The following SKOR1 variants were observed in gnomAD, a reference collection of about 807,000 sequenced individuals.
SKOR1 encodes the protein SKI family transcriptional corepressor 1.
SKOR1 carries 38 observed loss-of-function variants against 72.4 expected under a neutral mutation model. The observed-to-expected ratio is 0.52, with a 90% CI of 0.40 to 0.69. The LOEUF (loss-of-function observed/expected upper bound fraction) is 0.69. Among genes scored for constraint, SKOR1 ranks in the 30% least tolerant of loss-of-function variants. SKOR1 has a pLI of 0.00. For missense variants in SKOR1, 1,320 were observed against 1,343.2 expected (o/e 0.98, Z 0.27); for synonymous variants, 642 against 599.4 (o/e 1.07, Z -1.04).
chr15:67,832,516 G>C lies in SKOR1; in HGVS notation c.2663-91G>C. The C allele has an allele frequency of 1.5e-6, 2 of 1,351,012 alleles. No individual in the cohort carries two copies. The highest frequency in any genetic ancestry group is 2.1e-6 in the Non-Finnish European group (2 of 955,014). The allele number at this position is 1,351,012 out of a possible 1,614,324, so 83.7% of individuals were successfully genotyped here. On this transcript the variant is annotated intron_variant, in intron 6 of 8. Transcript: ENST00000380035. The surrounding 1 kb of genome is among the most constrained non-coding windows in gnomAD (Gnocchi z 4.5). ...AGGCGAATGGCTGGGTGGGAGTTGG[G>C]GGTAGGGGTGAAAGGGGGGGCCAGG... is the stretch of plus-strand genomic sequence containing the variant.
Position 67,827,839 on chromosome 15 carries a change from G to A in SKOR1, c.2011G>A (p.Asp671Asn), listed in dbSNP as rs759601492. 6.0e-5 allele frequency: 96 copies of A among 1,596,902 alleles called. No homozygotes were observed. Among genetic ancestry groups the A allele is most frequent in the Non-Finnish European group, 7.1e-5 (83 of 1,172,640 alleles). ...VDVESNRFPD[D>N]EDAQEETEPS... ...CGTGGAATCCAACCGCTTCCCCGAC[G>A]ACGAGGACGCCCAAGAGGAGACCGA... Residue 671 changes from aspartate to asparagine, a missense_variant, in exon 2 of 9, where the codon GAC (aspartate) becomes AAC (asparagine). By Grantham distance (23) the Asp-to-Asn change is conservative. Transcript: ENST00000380035.
intron 3 of SKOR1, among the ~76,000 whole-genome samples, chr15:67,829,487 C>T (rs1597018025): frequency 6.6e-6 from 1 of 152,266 alleles, no homozygotes; most frequent in South Asian, 2.1e-4. Flanking sequence ...CTCCACCACA[C>T]GCACACACAT....
At position 67,825,940 on chromosome 15, in the gene SKOR1, G is replaced by C; in HGVS notation, c.112G>C (p.Gly38Arg). Reference sequence around the variant, plus strand: ...TCTGCTTTCTCTATTTCGCAGGAGCGGCGGCATGGAGGCTCTCACCACTCA... The same window carrying C: ...TCTGCTTTCTCTATTTCGCAGGAGCCGCGGCATGGAGGCTCTCACCACTCA... The part of the protein sequence containing the change: ...FLAARAFLRS[G>R]GMEALTTQLG... Residue 38 changes from glycine to arginine, a missense_variant, in exon 2 of 9, where the codon GGC becomes CGC. Gly to Arg is a moderately radical substitution (Grantham distance 125, BLOSUM62 -2). Transcript: ENST00000380035. The surrounding 1 kb of genome is among the most constrained non-coding windows in gnomAD (Gnocchi z 5.6). The C allele has an allele frequency of 6.6e-7, 1 of 1,514,796 alleles. No individual in the cohort carries two copies. 93.8% of individuals were successfully genotyped at this position (1,514,796 alleles called of 1,614,324 possible).
At position 67,833,153 on chromosome 15, in the gene SKOR1, G is replaced by T; in HGVS notation, c.2738-39G>T. ...TGTGACCCCGGCCTTTCGGAGGGTGGTCTGCGTTTCCTCACTGGCCCCTCC... is the reference window on the plus strand; with the variant it reads ...TGTGACCCCGGCCTTTCGGAGGGTGTTCTGCGTTTCCTCACTGGCCCCTCC... On this transcript the variant is annotated intron_variant, in intron 7 of 8. Coordinates refer to ENST00000380035, the MANE Select transcript of SKOR1 (RefSeq NM_001365915.1). The surrounding 1 kb of genome is among the most constrained non-coding windows in gnomAD (Gnocchi z 6.0). The T allele has an allele frequency of 4.3e-6, 7 of 1,612,242 alleles. No individual in the cohort carries two copies. The highest frequency in any genetic ancestry group is 5.9e-6 in the Non-Finnish European group (7 of 1,178,674).
At chr15:67,828,296 G>A (rs1354979387) in intron 2 of SKOR1, 152 bp downstream of exon 2, 3 of 1,319,832 alleles carry the variant, frequency 2.3e-6, no homozygotes, top group South Asian at 2.0e-5. Flanking sequence ...CCTTGGGCGC[G>A]CTGCGAAACT....
chr15:67,827,147 G>T lies in SKOR1; in HGVS notation c.1319G>T (p.Gly440Val), dbSNP rs759224419. ...GGAGTGGGAG[G>V]PGASHLPPGA... ...GCGGGGACAGGCGGGGGTGCGGGGG[G>T]CCCGGGAGCCAGCCACTTGCCCCCG... Residue 440 changes from glycine (G) to valine (V), a missense_variant, in exon 2 of 9, where the codon GGC (glycine) becomes GTC (valine). Transcript: ENST00000380035. 2.0e-5 allele frequency: 27 copies of T among 1,362,330 alleles called. No homozygotes were observed. The South Asian group carries it at 2.7e-4, about 14-fold the overall frequency. 84.4% of individuals were successfully genotyped at this position (1,362,330 alleles called of 1,614,324 possible).
intron 5 of SKOR1, among the ~76,000 whole-genome samples, chr15:67,831,539 T>C (rs892643612): frequency 1.3e-5 from 2 of 152,120 alleles, no homozygotes; most frequent in Non-Finnish European, 2.9e-5. Context: ...AGGGCCCAGA[T>C]ACCAATGACC....
At position 67,830,895 on chromosome 15, in the gene SKOR1, G is replaced by A. The variant is rs751393440; in HGVS notation, c.2587+6G>A. On this transcript the variant is annotated splice_donor_region_variant and intron_variant, in intron 5 of 8. Transcript: ENST00000380035. ...TATCGAGAACCTGGCCAGAGGTGAG[G>A]ATAAATTTGTGAAAAAGGTGTACGC... The A allele has an allele frequency of 7.2e-5, 117 of 1,613,936 alleles. No individual in the cohort carries two copies. Among genetic ancestry groups the A allele is most frequent in the Non-Finnish European group, 9.4e-5 (111 of 1,179,920 alleles).
At position 67,829,248 on chromosome 15, in the gene SKOR1, G is replaced by A. The variant is rs2090989784; in HGVS notation, c.2386G>A (p.Val796Ile). 6.4e-7 allele frequency: 1 copy of A among 1,565,532 alleles called. No homozygotes were observed. The highest frequency in any genetic ancestry group is 8.6e-7 in the Non-Finnish European group (1 of 1,163,224). Reference sequence around the variant, plus strand: ...GGCGCTGGGGCCCGCGGCCTCCTACGTCTGCACCCCCGAGGCCCACGGTAA... The same window carrying A: ...GGCGCTGGGGCCCGCGGCCTCCTACATCTGCACCCCCGAGGCCCACGGTAA... ...AVALGPAASYVCTPEAHEPDK... is the reference protein window; with the variant it reads ...AVALGPAASYICTPEAHEPDK... Residue 796 changes from valine to isoleucine, a missense_variant, in exon 3 of 9, where the codon GTC becomes ATC. By Grantham distance (29) the Val-to-Ile change is conservative. Transcript: ENST00000380035.
chr15:67,830,100 T>C, intron 3 of SKOR1, 91 bp from the exon 4 acceptor site: 1 of 1,333,594 alleles, frequency 7.5e-7, no homozygotes, highest in Non-Finnish European at 1.1e-6. Flanking sequence ...CGCTTTTAAT[T>C]AGGGCTGGGG....
chr15:67,833,887 ATACCCGC>A lies in SKOR1; in HGVS notation c.*53_*59del. On this transcript the variant is annotated 3_prime_UTR_variant, in exon 9 of 9. Coordinates refer to ENST00000380035, the MANE Select transcript of SKOR1 (RefSeq NM_001365915.1). The surrounding 1 kb of genome is among the most constrained non-coding windows in gnomAD (Gnocchi z 6.0). The stretch of plus-strand genomic sequence containing the variant: ...CCTCAAGCCATGCTGCTCCTTGTAA[ATACCCGC>A]TGCTGCGGTGGCCCTGAGCGAGGAA... 6.4e-7 allele frequency: 1 copy of A among 1,563,514 alleles called. No individual in the cohort carries two copies. The highest frequency in any genetic ancestry group is 2.2e-5 in the East Asian group (1 of 44,664).
At position 67,832,096 on chromosome 15, in the gene SKOR1, C is replaced by T. The variant is rs911297457; in HGVS notation, c.2588-178C>T. ...ATTCTCCTGGGCATCCTACCCACAGCCCAGTTTCTTCACCCAAATCCTTTG... is the reference window on the plus strand; with the variant it reads ...ATTCTCCTGGGCATCCTACCCACAGTCCAGTTTCTTCACCCAAATCCTTTG... On this transcript the variant is annotated intron_variant, in intron 5 of 8. Transcript: ENST00000380035. The surrounding 1 kb of genome is among the most constrained non-coding windows in gnomAD (Gnocchi z 4.5). Among the ~76,000 whole-genome samples, 2 of 152,126 alleles carry T rather than the reference C, an allele frequency of 1.3e-5. No individual in the cohort carries two copies. The highest frequency in any genetic ancestry group is 4.8e-5 in the African/African-American group (2 of 41,394).
In SKOR1 at chr15:67,829,220, G is replaced by C. The variant is rs748987912; in HGVS notation, c.2358G>C (p.Ala786=). The C allele has an allele frequency of 6.3e-7, 1 of 1,575,718 alleles. No homozygotes were observed. The highest frequency in any genetic ancestry group is 8.6e-7 in the Non-Finnish European group (1 of 1,168,322). ...GGGATGAGCACGTGAAGAGCGCGGCGGTGGCGCTGGGGCCCGCGGCCTCCT... is the reference window on the plus strand; with the variant it reads ...GGGATGAGCACGTGAAGAGCGCGGCCGTGGCGCTGGGGCCCGCGGCCTCCT... ...PERDEHVKSA[A]VALGPAASYV... Residue 786 remains alanine, a synonymous_variant, in exon 3 of 9, where the codon GCG becomes GCC. Coordinates refer to ENST00000380035, the MANE Select transcript of SKOR1 (RefSeq NM_001365915.1).
Position 67,832,801 on chromosome 15 carries a change from T to C in SKOR1, c.2737+120T>C. 5 of 834,832 alleles carry C rather than the reference T, an allele frequency of 6.0e-6. No individual in the cohort carries two copies. Among genetic ancestry groups the C allele is most frequent in the Non-Finnish European group, 7.7e-6 (4 of 520,440 alleles). 51.7% of individuals were successfully genotyped at this position (834,832 alleles called of 1,614,324 possible). A position where few individuals can be genotyped will look rare whatever the true frequency, so the allele number is the denominator to read the frequency against. ...GAAGGTAATTTAACAATTATTTTTT[T>C]ATTTAATATGCTTTGTATACTCTGA... On this transcript the variant is annotated intron_variant, in intron 7 of 8. Coordinates refer to ENST00000380035, the MANE Select transcript of SKOR1 (RefSeq NM_001365915.1). The surrounding 1 kb of genome is among the most constrained non-coding windows in gnomAD (Gnocchi z 4.5).
rs923027393 is a variant in SKOR1 at position 67,830,123 on chromosome 15, G to C, written c.2408-68G>C. The C allele has an allele frequency of 3.9e-6, 6 of 1,529,418 alleles. No individual in the cohort carries two copies. In the Admixed American group the frequency reaches 6.7e-5, roughly 17 times the overall value. 94.7% of individuals were successfully genotyped at this position (1,529,418 alleles called of 1,614,324 possible). A position where few individuals can be genotyped will look rare whatever the true frequency, so the allele number is the denominator to read the frequency against. ...ATTAGGGCTGGGGCGCCCCGACCGC[G>C]GCAGCTCCGGCAGTATCCGGGTCAC... On this transcript the variant is annotated intron_variant, in intron 3 of 8. Coordinates refer to ENST00000380035, the MANE Select transcript of SKOR1 (RefSeq NM_001365915.1).
At chr15:67,829,725 G>A (rs996475508) in intron 3 of SKOR1, among the ~76,000 whole-genome samples, 4 of 152,172 alleles carry the variant, frequency 2.6e-5, no homozygotes, top group African/African-American at 9.7e-5. Context: ...GCACTTGCGC[G>A]CCTTACCAGG....
Position 67,832,142 on chromosome 15 carries a change from A to C in SKOR1, c.2588-132A>C. The stretch of plus-strand genomic sequence containing the variant: ...CTTTGAATGCAGTTGGTAAAGCCAG[A>C]GAGCGGAGGGCCTCCACCTACTGGT... On this transcript the variant is annotated intron_variant, in intron 5 of 8. Transcript: ENST00000380035. The surrounding 1 kb of genome is among the most constrained non-coding windows in gnomAD (Gnocchi z 4.5). 1 of 764,978 alleles carries C rather than the reference A, an allele frequency of 1.3e-6. No individual in the cohort carries two copies. Among genetic ancestry groups the C allele is most frequent in the Non-Finnish European group, 2.2e-6 (1 of 444,618 alleles). 47.4% of individuals were successfully genotyped at this position (764,978 alleles called of 1,614,324 possible).
chr15:67,832,264 C>G lies in SKOR1; in HGVS notation c.2588-10C>G, dbSNP rs752324222. ...CTCCCACTTTACCTCCCACTTTTCC[C>G]CTTTCACAGAGGAATTGCAAAAACT... is the stretch of plus-strand genomic sequence containing the variant. On this transcript the variant is annotated splice_polypyrimidine_tract_variant and intron_variant, in intron 5 of 8. Transcript: ENST00000380035. The surrounding 1 kb of genome is among the most constrained non-coding windows in gnomAD (Gnocchi z 4.5). 6.2e-7 allele frequency: 1 copy of G among 1,613,810 alleles called. No individual in the cohort carries two copies. The highest frequency in any genetic ancestry group is 8.5e-7 in the Non-Finnish European group (1 of 1,179,816).
Position 67,832,552 on chromosome 15 carries a change from T to C in SKOR1, c.2663-55T>C. 6.5e-7 allele frequency: 1 copy of C among 1,530,710 alleles called. No homozygotes were observed. The allele number at this position is 1,530,710 out of a possible 1,614,324, so 94.8% of individuals were successfully genotyped here. On this transcript the variant is annotated intron_variant, in intron 6 of 8. Transcript: ENST00000380035. The surrounding 1 kb of genome is among the most constrained non-coding windows in gnomAD (Gnocchi z 4.5). ...AAAGGGGGGGCCAGGAGTGAGAAAGTGGAGCCGGGAGAGGGGGCTGTGCGT... is the reference window on the plus strand; with the variant it reads ...AAAGGGGGGGCCAGGAGTGAGAAAGCGGAGCCGGGAGAGGGGGCTGTGCGT...
Sources: gnomAD v4.1 joint callset for allele counts (sites outside exome capture counted in the v4.1 genomes callset) on GRCh38, gnomAD v4.1.1 for gene constraint, Gnocchi (gnomAD v3.1) non-coding constraint, MANE v1.5 for transcripts, NCBI Gene and HGNC (gene_info 2026-07-23, HGNC 2026-07-21) for gene names.